IKZF1: variants seen among roughly 807,000 people sequenced by gnomAD.
The protein encoded by IKZF1 is DNA-binding protein Ikaros.
In IKZF1, 10 loss-of-function variants were observed where a neutral mutation model predicts 51.7. The observed-to-expected ratio is 0.19, with a 90% CI of 0.12 to 0.33. The LOEUF is 0.33. Among genes scored for constraint, IKZF1 ranks in the 10% least tolerant of loss-of-function variants. The pLI is 1.00. For missense variants in IKZF1, 484 were observed against 707.5 expected, an observed-to-expected ratio of 0.68 and a Z score of 3.58; for synonymous variants, 280 against 282.3, an observed-to-expected ratio of 0.99 and a Z score of 0.08.
chr7:50,331,520 T>C (rs1448256640), intron 3 of IKZF1, among the ~76,000 whole-genome samples: 1 of 152,174 alleles, frequency 6.6e-6, no homozygotes, highest in African/African-American at 2.4e-5. Flanking sequence ...AGGAACACTT[T>C]TGGAAAGCTG....
At chr7:50,324,247 G>A (rs962602855) in intron 2 of IKZF1, among the ~76,000 whole-genome samples, 6 of 152,174 alleles carry the variant, frequency 3.9e-5, no homozygotes, top group African/African-American at 1.4e-4. Flanking sequence ...GAGGGGCCCT[G>A]GGTACAGAGG....
At chr7:50,367,386 G>A (rs965324873) in intron 3 of IKZF1, among the ~76,000 whole-genome samples, 4 of 152,194 alleles carry the variant, frequency 2.6e-5, no homozygotes, top group African/African-American at 7.2e-5. Flanking sequence ...AAAGGAACAT[G>A]CTGGGAAACT....
At chr7:50,393,396 G>T (rs1302305400) in intron 7 of IKZF1, among the ~76,000 whole-genome samples, 1 of 152,156 alleles carries the variant, frequency 6.6e-6, no homozygotes, top group African/African-American at 2.4e-5. Flanking sequence ...TGAGGCCAAG[G>T]GTCCCAGAGG....
At chr7:50,308,895 C>T (rs562160082) in intron 1 of IKZF1, 1 of 152,540 alleles carries the variant, frequency 6.6e-6, no homozygotes, top group South Asian at 2.1e-4. Flanking sequence ...TTGGCGAGGC[C>T]TCGGTTGGTT....
In IKZF1 at chr7:50,376,282, G is replaced by T. The variant is rs187768390; in HGVS notation, c.161-251G>T. 6.6e-6 allele frequency among the ~76,000 whole-genome samples: 1 copy of T among 152,078 alleles called. No individual in the cohort carries two copies. The highest frequency in any genetic ancestry group is 1.5e-5 in the Non-Finnish European group (1 of 68,018). On this transcript the variant is annotated intron_variant, in intron 3 of 7. Coordinates refer to ENST00000331340, the MANE Select transcript of IKZF1 (RefSeq NM_006060.6). The surrounding 1 kb of genome is among the most constrained non-coding windows in gnomAD (Gnocchi z 4.5). Reference sequence around the variant, plus strand: ...CTTTCTAGTGCATTTTCAGATAATCGCCACTGGGCCTATGGATGGAGAGGG... The same window carrying T: ...CTTTCTAGTGCATTTTCAGATAATCTCCACTGGGCCTATGGATGGAGAGGG...
In IKZF1 at chr7:50,347,466, T is replaced by A. The variant is rs148108818; in HGVS notation, c.160+19709T>A. Among the ~76,000 whole-genome samples the A allele has an allele frequency of 8.5e-5, 13 of 152,242 alleles. No homozygotes were observed. The East Asian group carries it at 2.5e-3, about 29-fold the overall frequency. On this transcript the variant is annotated intron_variant, in intron 3 of 7. Transcript: ENST00000331340. ...ACCAAGCTTAAAGTCAAAGTCATAC[T>A]CTTTAAACCATTGGAAACCAAGTTT...
chr7:50,398,772 C>T (rs1817366040), intron 7 of IKZF1, among the ~76,000 whole-genome samples: 1 of 152,222 alleles, frequency 6.6e-6, no homozygotes, highest in African/African-American at 2.4e-5. Context: ...CAAGGATGGG[C>T]TCATGTGCTT....
chr7:50,368,490 A>G lies in IKZF1; in HGVS notation c.161-8043A>G, dbSNP rs868056887. The stretch of plus-strand genomic sequence containing the variant: ...GACAGGAGAAGGAGATATGCTCTTC[A>G]TCTGTGGTTCTGGAGTATTAATTTC... On this transcript the variant is annotated intron_variant, in intron 3 of 7. Coordinates refer to ENST00000331340, the MANE Select transcript of IKZF1 (RefSeq NM_006060.6). 1.7e-5 allele frequency: 10 copies of G among 599,820 alleles called. No homozygotes were observed. The South Asian group carries it at 1.8e-4, about 11-fold the overall frequency. 37.2% of individuals were successfully genotyped at this position (599,820 alleles called of 1,614,324 possible).
At chr7:50,338,547 G>A (rs1798318461) in intron 3 of IKZF1, among the ~76,000 whole-genome samples, 1 of 152,200 alleles carries the variant, frequency 6.6e-6, no homozygotes, top group African/African-American at 2.4e-5. Flanking sequence ...GTTGCCAGTT[G>A]CCACCTGTCC....
chr7:50,355,619 G>GAATAAATAAATA (rs57903869), intron 3 of IKZF1, among the ~76,000 whole-genome samples: 16,004 of 147,304 alleles, frequency 0.11, 872 homozygotes, highest in Non-Finnish European at 0.12. Flanking sequence ...GTTAGCTTGC[G>GAATAAATAAATA]AATAAATAAA....
At chr7:50,306,321 C>T (rs1281817200) in intron 1 of IKZF1, among the ~76,000 whole-genome samples, 1 of 152,152 alleles carries the variant, frequency 6.6e-6, no homozygotes. Flanking sequence ...AAACGTGACT[C>T]TTAAGTCTCA....
At chr7:50,355,882 C>A (rs191082772) in intron 3 of IKZF1, among the ~76,000 whole-genome samples, 12 of 152,346 alleles carry the variant, frequency 7.9e-5, no homozygotes, top group African/African-American at 2.6e-4. Context: ...CCCGGCTGTC[C>A]TGCCCCTCCT....
chr7:50,366,460 A>G (rs1200914801), intron 3 of IKZF1, among the ~76,000 whole-genome samples: 1 of 152,140 alleles, frequency 6.6e-6, no homozygotes, highest in African/African-American at 2.4e-5. Context: ...TAGCTCCTTA[A>G]TCTTCAGGGT....
chr7:50,374,034 G>C (rs1355216811), intron 3 of IKZF1, among the ~76,000 whole-genome samples: 1 of 152,204 alleles, frequency 6.6e-6, no homozygotes, highest in Non-Finnish European at 1.5e-5. Flanking sequence ...ATAATGCCAG[G>C]ATCTGATGGA....
intron 3 of IKZF1, among the ~76,000 whole-genome samples, chr7:50,354,470 G>C (rs1802708031): frequency 6.6e-6 from 1 of 152,216 alleles, no homozygotes; most frequent in Non-Finnish European, 1.5e-5. Flanking sequence ...GAGGGCTCTG[G>C]GTGCCCCCGT....
chr7:50,338,033 G>A lies in IKZF1; in HGVS notation c.160+10276G>A, dbSNP rs1798189857. On this transcript the variant is annotated intron_variant, in intron 3 of 7. Coordinates refer to ENST00000331340, the MANE Select transcript of IKZF1 (RefSeq NM_006060.6). ...CAGAAGGGCAATCTTTGGCAGATTT[G>A]TTAAGGTTTTTTAATATAGCCAGTA... Among the ~76,000 whole-genome samples, 5 of 152,226 alleles carry A rather than the reference G, an allele frequency of 3.3e-5. No homozygotes were observed. The South Asian group carries it at 1.0e-3, about 32-fold the overall frequency.
In IKZF1 at chr7:50,400,696, G is replaced by A. The variant is rs1265515210; in HGVS notation, c.*69G>A. The stretch of plus-strand genomic sequence containing the variant: ...AAAGCACAAGGACTGCCGCCTTCTC[G>A]CTCCCGCCAGCAGCATAGACTGGAC... On this transcript the variant is annotated 3_prime_UTR_variant, in exon 8 of 8. Transcript: ENST00000331340. The surrounding 1 kb of genome is among the most constrained non-coding windows in gnomAD (Gnocchi z 5.4). The A allele has an allele frequency of 4.0e-6, 6 of 1,503,288 alleles. No homozygotes were observed. Among genetic ancestry groups the A allele is most frequent in the Non-Finnish European group, 5.4e-6 (6 of 1,117,794 alleles). The allele number at this position is 1,503,288 out of a possible 1,614,324, so 93.1% of individuals were successfully genotyped here. A position where few individuals can be genotyped will look rare whatever the true frequency, so the allele number is the denominator to read the frequency against.
At chr7:50,305,849 T>A (rs887865889) in intron 1 of IKZF1, among the ~76,000 whole-genome samples, 3 of 152,234 alleles carry the variant, frequency 2.0e-5, no homozygotes, top group Non-Finnish European at 4.4e-5. Context: ...GTATGATATT[T>A]AAACTTTCAT....
At chr7:50,353,067 C>A (rs1480145229) in intron 3 of IKZF1, among the ~76,000 whole-genome samples, 1 of 152,206 alleles carries the variant, frequency 6.6e-6, no homozygotes, top group Non-Finnish European at 1.5e-5. Context: ...ATGGTAGAAT[C>A]TTTTCATAGA....
Sources: gnomAD v4.1 joint callset for allele counts (sites outside exome capture counted in the v4.1 genomes callset) on GRCh38, gnomAD v4.1.1 for gene constraint, Gnocchi (gnomAD v3.1) non-coding constraint, MANE v1.5 for transcripts, NCBI Gene and HGNC (gene_info 2026-07-23, HGNC 2026-07-21) for gene names.